Variants in NKAIN3 observed in about 807,000 individuals in gnomAD.
NKAIN3 encodes sodium/potassium-transporting ATPase subunit beta-1-interacting protein 3.
NKAIN3 carries 25 observed loss-of-function variants against 30.2 expected under a neutral mutation model. The observed-to-expected ratio is 0.83, with a 90% CI of 0.60 to 1.16. The LOEUF (loss-of-function observed/expected upper bound fraction) is 1.16, where lower values mean the gene tolerates loss of function less well. Among genes scored for constraint, NKAIN3 ranks in the 50% most tolerant of loss-of-function variants. The pLI is 0.00. For missense variants in NKAIN3, 225 were observed against 254.1 expected (o/e 0.89, Z 0.78); for synonymous variants, 91 against 89.6 (o/e 1.02, Z -0.09).
intron 1 of NKAIN3, among the ~76,000 whole-genome samples, chr8:62,418,088 G>A (rs972624742): frequency 1.3e-5 from 2 of 152,134 alleles, no homozygotes; most frequent in Non-Finnish European, 2.9e-5. Flanking sequence ...CCTGATTGAG[G>A]TGCATTATCA....
intron 1 of NKAIN3, among the ~76,000 whole-genome samples, chr8:62,501,266 C>T (rs1309698009): frequency 6.6e-6 from 1 of 152,138 alleles, no homozygotes; most frequent in Non-Finnish European, 1.5e-5. Context: ...TGAGTAGCTA[C>T]TGGGGGCCCC....
At chr8:62,358,899 T>C (rs571029675) in intron 1 of NKAIN3, among the ~76,000 whole-genome samples, 8 of 152,188 alleles carry the variant, frequency 5.3e-5, no homozygotes, top group Non-Finnish European at 1.2e-4. Context: ...AAATATTCTA[T>C]GGCCGGGCGC....
chr8:62,564,813 C>T (rs543005961), intron 1 of NKAIN3, among the ~76,000 whole-genome samples: 20 of 152,106 alleles, frequency 1.3e-4, no homozygotes, highest in Admixed American at 7.9e-4. Context: ...CACACACACA[C>T]GGAGAAAATC....
At chr8:62,703,071 T>C (rs1814395075) in intron 3 of NKAIN3, among the ~76,000 whole-genome samples, 1 of 152,128 alleles carries the variant, frequency 6.6e-6, no homozygotes, top group East Asian at 1.9e-4. Flanking sequence ...ATTAGAGTAA[T>C]ATATTCCAAA....
chr8:62,280,567 G>T (rs1312300026), intron 1 of NKAIN3, among the ~76,000 whole-genome samples: 2 of 152,078 alleles, frequency 1.3e-5, no homozygotes, highest in African/African-American at 4.8e-5. Context: ...CTGATTTATT[G>T]GTAGTTTTTA....
chr8:62,276,737 A>G (rs1585623674), intron 1 of NKAIN3, among the ~76,000 whole-genome samples: 1 of 152,348 alleles, frequency 6.6e-6, no homozygotes, highest in East Asian at 1.9e-4. Flanking sequence ...AGGAATTTGT[A>G]ATTACTAGCA....
chr8:62,700,529 T>C (rs1814299953), intron 3 of NKAIN3, among the ~76,000 whole-genome samples: 1 of 152,244 alleles, frequency 6.6e-6, no homozygotes, highest in African/African-American at 2.4e-5. Context: ...ATAATCTCTT[T>C]TTCCATTCAT....
intron 1 of NKAIN3, among the ~76,000 whole-genome samples, chr8:62,341,258 A>T (rs1326236529): frequency 6.6e-6 from 1 of 152,024 alleles, no homozygotes; most frequent in African/African-American, 2.4e-5. Context: ...TCTTACTTAA[A>T]GCATGTGATT....
intron 1 of NKAIN3, among the ~76,000 whole-genome samples, chr8:62,372,719 A>G (rs2129593399): frequency 6.6e-6 from 1 of 152,124 alleles, no homozygotes; most frequent in East Asian, 1.9e-4. Context: ...TTTTATGAAG[A>G]CAGCAAGCAA....
intron 1 of NKAIN3, among the ~76,000 whole-genome samples, chr8:62,518,982 T>C (rs540578587): frequency 1.6e-4 from 25 of 152,262 alleles, no homozygotes; most frequent in Admixed American, 1.1e-3. Context: ...TAATACTGAA[T>C]AGCTTTCACA....
chr8:62,582,998 T>C (rs532389403), intron 2 of NKAIN3, among the ~76,000 whole-genome samples: 1 of 152,266 alleles, frequency 6.6e-6, no homozygotes, highest in Non-Finnish European at 1.5e-5. Context: ...TCTAGCAATA[T>C]TTCCTCAGTC....
intron 1 of NKAIN3, among the ~76,000 whole-genome samples, chr8:62,572,018 G>C (rs547314344): frequency 6.6e-6 from 1 of 152,104 alleles, no homozygotes; most frequent in Non-Finnish European, 1.5e-5. Flanking sequence ...CTTTACTTAG[G>C]CAAATTTCTG....
intron 3 of NKAIN3, among the ~76,000 whole-genome samples, chr8:62,606,959 T>C (rs1043111939): frequency 1.3e-5 from 2 of 152,142 alleles, no homozygotes; most frequent in Non-Finnish European, 2.9e-5. Context: ...AGCATTATAT[T>C]AATTTTGGTT....
intron 4 of NKAIN3, among the ~76,000 whole-genome samples, chr8:62,852,616 C>T (rs1329257088): frequency 2.0e-5 from 3 of 152,046 alleles, no homozygotes; most frequent in Non-Finnish European, 4.4e-5. Context: ...CCTCTACACA[C>T]TGCTTTGAAT....
At chr8:62,365,053 G>A (rs559277154) in intron 1 of NKAIN3, among the ~76,000 whole-genome samples, 1 of 151,940 alleles carries the variant, frequency 6.6e-6, no homozygotes, top group Non-Finnish European at 1.5e-5. Flanking sequence ...AAGATATTAC[G>A]GGGTGAAGAA....
intron 4 of NKAIN3, among the ~76,000 whole-genome samples, chr8:62,839,009 G>A (rs1402855740): frequency 6.6e-6 from 1 of 151,982 alleles, no homozygotes; most frequent in Admixed American, 6.6e-5. Context: ...CAGCTCTCCA[G>A]GGTGTAGACA....
intron 1 of NKAIN3, among the ~76,000 whole-genome samples, chr8:62,519,628 T>G (rs1230963736): frequency 6.6e-6 from 1 of 152,204 alleles, no homozygotes; most frequent in African/African-American, 2.4e-5. Flanking sequence ...TGTGGGCATC[T>G]GCATGATCAT....
At position 62,644,910 on chromosome 8, in the gene NKAIN3, G is replaced by A. The variant is rs566747252; in HGVS notation, c.273+55116G>A. Among the ~76,000 whole-genome samples the A allele has an allele frequency of 3.3e-5, 5 of 152,270 alleles. No individual in the cohort carries two copies. In the South Asian group the frequency reaches 1.0e-3, roughly 32 times the overall value. ...TACTCTGTTGTTTTTTATGCAGGCAGGCCATCCATAGCTATATCATCTCTG... is the reference window on the plus strand; with the variant it reads ...TACTCTGTTGTTTTTTATGCAGGCAAGCCATCCATAGCTATATCATCTCTG... On this transcript the variant is annotated intron_variant, in intron 3 of 6. Transcript: ENST00000623646.
intron 1 of NKAIN3, among the ~76,000 whole-genome samples, chr8:62,502,998 T>A (rs1430356417): frequency 6.6e-6 from 1 of 152,164 alleles, no homozygotes; most frequent in Non-Finnish European, 1.5e-5. Flanking sequence ...GTTTGGTCCA[T>A]GACGTGTTGG....
Sources: allele counts gnomAD v4.1 joint callset (sites outside exome capture counted in the v4.1 genomes callset), GRCh38; gene constraint gnomAD v4.1.1; transcripts MANE v1.5; gene names NCBI Gene and HGNC (gene_info 2026-07-23, HGNC 2026-07-21).